Variants in UGT1A9 observed in about 807,000 individuals in gnomAD.
The protein encoded by UGT1A9 is UDP-glucuronosyltransferase 1A9.
A neutral mutation model predicts 45.0 loss-of-function variants in UGT1A9; 35 were observed. The observed-to-expected ratio is 0.78, with a 90% CI of 0.59 to 1.03. The LOEUF (loss-of-function observed/expected upper bound fraction) is 1.03, where lower values mean the gene tolerates loss of function less well. Ranked by LOEUF, UGT1A9 falls within the 50% of genes least tolerant of loss-of-function variation. The pLI is 0.00. For missense variants in UGT1A9, 687 were observed against 666.6 expected, an observed-to-expected ratio of 1.03 and a Z score of -0.34; for synonymous variants, 278 against 250.6, an observed-to-expected ratio of 1.11 and a Z score of -1.03.
intron 1 of UGT1A9, among the ~76,000 whole-genome samples, chr2:233,707,245 T>C (rs1430790978): frequency 6.6e-6 from 1 of 152,158 alleles, no homozygotes. Flanking sequence ...ATTTCTCTTG[T>C]GTTTTTCTTC....
rs376650980 is a variant in UGT1A9, at chr2:233,751,304, T to C, written c.856-15730T>C. ...TTCTCCCATTTGGAATGGGAATATTTACCCAATTTCTGTACCCCCATTGTG... is the reference window on the plus strand; with the variant it reads ...TTCTCCCATTTGGAATGGGAATATTCACCCAATTTCTGTACCCCCATTGTG... On this transcript the variant is annotated intron_variant, in intron 1 of 4. Transcript: ENST00000354728. Among the ~76,000 whole-genome samples, 29 of 152,116 alleles carry C rather than the reference T, an allele frequency of 1.9e-4. No individual in the cohort carries two copies. The South Asian group carries it at 2.7e-3, about 14-fold the overall frequency.
intron 1 of UGT1A9, chr2:233,750,593 G>A (rs978024854): frequency 2.0e-5 from 3 of 152,058 alleles, no homozygotes; most frequent in Admixed American, 6.5e-5. Context: ...GGAGGCCTAG[G>A]AAGGAAAAAT....
At chr2:233,761,290 C>T in intron 1 of UGT1A9, 1 of 1,537,354 alleles carries the variant, frequency 6.5e-7, no homozygotes, top group Non-Finnish European at 8.8e-7. Context: ...TTTTTGACTC[C>T]TAGGTTTGAG....
chr2:233,765,728 A>C (rs1698929525), intron 1 of UGT1A9, among the ~76,000 whole-genome samples: 1 of 151,098 alleles, frequency 6.6e-6, no homozygotes, highest in Admixed American at 6.6e-5. Flanking sequence ...TAATAATAAT[A>C]ATAAATAAAC....
intron 1 of UGT1A9, among the ~76,000 whole-genome samples, chr2:233,678,756 A>C (rs1033605150): frequency 9.8e-6 from 1 of 102,106 alleles, no homozygotes; most frequent in Non-Finnish European, 2.5e-5. Context: ...ACTCATCTCT[A>C]TCAGGTCATC....
chr2:233,761,565 G>T (rs1015510791), intron 1 of UGT1A9, among the ~76,000 whole-genome samples: 1 of 152,250 alleles, frequency 6.6e-6, no homozygotes, highest in African/African-American at 2.4e-5. Context: ...TCCTGGAAAT[G>T]AAAGTTGCCT....
intron 4 of UGT1A9, 78 bp from the exon 5 acceptor site, chr2:233,772,184 T>C (rs1700476163): frequency 6.3e-7 from 1 of 1,591,636 alleles, no homozygotes; most frequent in East Asian, 2.3e-5. Context: ...GTAGTCTTCT[T>C]AAGCAGCCAT....
intron 1 of UGT1A9, chr2:233,754,742 G>A: frequency 1.4e-6 from 1 of 717,428 alleles, no homozygotes; most frequent in Non-Finnish European, 2.2e-6. Context: ...CGTAGGACAT[G>A]CAGAAGGAAG....
chr2:233,765,966 G>C (rs538817499), intron 1 of UGT1A9, among the ~76,000 whole-genome samples: 1 of 152,134 alleles, frequency 6.6e-6, no homozygotes, highest in African/African-American at 2.4e-5. Context: ...GTGTCTAGAG[G>C]TGGATGTTTA....
intron 1 of UGT1A9, among the ~76,000 whole-genome samples, chr2:233,717,094 ACTAT>A (rs2076547098): frequency 6.6e-6 from 1 of 152,186 alleles, no homozygotes; most frequent in Admixed American, 6.5e-5. Flanking sequence ...AGATGACATC[ACTAT>A]CTAAATAAAA....
At chr2:233,682,603 T>A (rs775314877) in intron 1 of UGT1A9, 2 of 1,613,928 alleles carry the variant, frequency 1.2e-6, no homozygotes, top group Non-Finnish European at 1.7e-6. Flanking sequence ...TTTGCCCCTA[T>A]TTTTTCAAAA....
chr2:233,677,166 C>T (rs1482849001), intron 1 of UGT1A9, among the ~76,000 whole-genome samples: 1 of 152,042 alleles, frequency 6.6e-6, no homozygotes, highest in African/African-American at 2.4e-5. Context: ...TTGAGTTTTC[C>T]AATTCATTAA....
intron 1 of UGT1A9, chr2:233,693,831 G>A (rs1277400223): frequency 1.2e-6 from 2 of 1,614,178 alleles, no homozygotes; most frequent in Middle Eastern, 1.6e-4. Flanking sequence ...TTCATTGGAG[G>A]TATCAACTGT....
intron 1 of UGT1A9, chr2:233,755,366 T>A (rs938544322): frequency 6.9e-5 from 25 of 362,910 alleles, no homozygotes; most frequent in African/African-American, 5.3e-4. Flanking sequence ...CTGGGCCGCC[T>A]GGAGGGCCGC....
At chr2:233,687,497 C>T (rs1471270265) in intron 1 of UGT1A9, among the ~76,000 whole-genome samples, 1 of 147,862 alleles carries the variant, frequency 6.8e-6, no homozygotes, top group Non-Finnish European at 1.5e-5. Context: ...GATGATGAAA[C>T]TGAGGCACAG....
chr2:233,713,839 A>G (rs1333546186), intron 1 of UGT1A9: 2 of 1,613,942 alleles, frequency 1.2e-6, no homozygotes, highest in Non-Finnish European at 8.5e-7. Context: ...AACTGTGCCA[A>G]CGGGAAGCCA....
rs114158579 is a variant in UGT1A9, at chr2:233,687,163, G to C, written c.855+14374G>C. 3.8e-3 allele frequency among the ~76,000 whole-genome samples: 572 copies of C among 152,274 alleles called. 7 individuals are homozygous for C. Among genetic ancestry groups the C allele is most frequent in the African/African-American group, 0.013 (548 of 41,552 alleles). ...ATATGATAATACATGCAGATGACTGGCATGTGGATATGAATCAGCAATACC... is the reference window on the plus strand; with the variant it reads ...ATATGATAATACATGCAGATGACTGCCATGTGGATATGAATCAGCAATACC... On this transcript the variant is annotated intron_variant, in intron 1 of 4. Transcript: ENST00000354728.
intron 1 of UGT1A9, among the ~76,000 whole-genome samples, chr2:233,759,941 CTTG>C (rs1697287093): frequency 6.6e-6 from 1 of 152,156 alleles, no homozygotes; most frequent in Non-Finnish European, 1.5e-5. Flanking sequence ...AGAAGCCTAA[CTTG>C]TTCACTACAT....
At chr2:233,754,986 T>A (rs1394613146) in intron 1 of UGT1A9, 2 of 1,295,836 alleles carry the variant, frequency 1.5e-6, no homozygotes, top group Non-Finnish European at 2.1e-6. Flanking sequence ...CTCGGCGGGG[T>A]CACGGAAGCT....
Sources: gnomAD v4.1 joint callset for allele counts (sites outside exome capture counted in the v4.1 genomes callset) on GRCh38, gnomAD v4.1.1 for gene constraint, MANE v1.5 for transcripts, NCBI Gene and HGNC (gene_info 2026-07-23, HGNC 2026-07-21) for gene names.